Variants in RAB11FIP4 observed in about 807,000 individuals in gnomAD.
RAB11FIP4 encodes RAB11 family interacting protein 4.
In RAB11FIP4, 23 loss-of-function variants were observed where a neutral mutation model predicts 74.3. The observed-to-expected ratio is 0.31, with a 90% CI of 0.22 to 0.44. The LOEUF (loss-of-function observed/expected upper bound fraction) is 0.44. Ranked by LOEUF, RAB11FIP4 falls within the 20% of genes least tolerant of loss-of-function variation. The pLI is 1.00. For synonymous variants in RAB11FIP4, 360 were observed against 359.9 expected, an observed-to-expected ratio of 1.00 and a Z score of 0.00; for missense variants, 630 against 863.9, an observed-to-expected ratio of 0.73 and a Z score of 3.39.
chr17:31,526,409 T>A (rs2072767856), intron 10 of RAB11FIP4: 1 of 152,156 alleles, frequency 6.6e-6, no homozygotes, highest in Non-Finnish European at 1.5e-5. Flanking sequence ...AGTCCTGCCG[T>A]ATGCTTGGTT....
intron 4 of RAB11FIP4, among the ~76,000 whole-genome samples, chr17:31,520,625 A>G (rs1392053165): frequency 6.6e-6 from 1 of 152,060 alleles, no homozygotes; most frequent in African/African-American, 2.4e-5. Flanking sequence ...CTCCTCCCTC[A>G]GCCTCCTGAG....
intron 3 of RAB11FIP4, among the ~76,000 whole-genome samples, chr17:31,515,335 A>G (rs968874547): frequency 6.6e-6 from 1 of 151,836 alleles, no homozygotes; most frequent in African/African-American, 2.4e-5. Context: ...GGGGATTCTC[A>G]TTACACAACC....
At chr17:31,449,562 A>G (rs990189923) in intron 3 of RAB11FIP4, among the ~76,000 whole-genome samples, 2 of 152,040 alleles carry the variant, frequency 1.3e-5, no homozygotes, top group African/African-American at 4.8e-5. Flanking sequence ...TCTTTTTGAG[A>G]CAGGGGTCTC....
intron 3 of RAB11FIP4, among the ~76,000 whole-genome samples, chr17:31,477,668 G>A (rs1444597999): frequency 3.9e-5 from 6 of 152,246 alleles, no homozygotes; most frequent in South Asian, 2.1e-4. Context: ...AATGAATGAC[G>A]GGGTGAATGA....
chr17:31,517,206 T>TGGGGGGGGGGGGGGGGG (rs199757879), intron 3 of RAB11FIP4, among the ~76,000 whole-genome samples: 1 of 20,250 alleles, frequency 4.9e-5, no homozygotes, highest in Non-Finnish European at 1.2e-4. Context: ...GGGGGGGCGG[T>TGGGGGGGGGGGGGGGGG]GGGGGGGGCG....
At chr17:31,523,770 A>C (rs2142821519) in intron 8 of RAB11FIP4, 123 bp from the exon 9 acceptor site, 2 of 994,200 alleles carry the variant, frequency 2.0e-6, no homozygotes, top group African/African-American at 1.6e-5. Flanking sequence ...CCCCCACCCC[A>C]CACATGACCG....
In RAB11FIP4 at chr17:31,404,044, C is replaced by T. The variant is rs1747263687; in HGVS notation, c.159+12033C>T. On this transcript the variant is annotated intron_variant, in intron 1 of 14. Transcript: ENST00000621161. ...AACTGTGCCCAGAATTATGCATCTG[C>T]GCCACTTCCTGTTCAAATGGTGATT... Among the ~76,000 whole-genome samples the T allele has an allele frequency of 3.3e-5, 5 of 152,178 alleles. 1 individual carries two copies. In the South Asian group the frequency reaches 1.0e-3, roughly 32 times the overall value.
At chr17:31,437,654 C>G (rs77414279) in intron 3 of RAB11FIP4, among the ~76,000 whole-genome samples, 1 of 152,160 alleles carries the variant, frequency 6.6e-6, no homozygotes, top group African/African-American at 2.4e-5. Flanking sequence ...AGCCCCCTCC[C>G]CTCAGGGTGT....
At chr17:31,406,079 G>A (rs554582198) in intron 1 of RAB11FIP4, among the ~76,000 whole-genome samples, 4 of 152,338 alleles carry the variant, frequency 2.6e-5, no homozygotes, top group African/African-American at 9.6e-5. Context: ...CAACCCCTGG[G>A]CTCAGCTCCT....
chr17:31,476,598 G>A (rs748131819), intron 3 of RAB11FIP4, among the ~76,000 whole-genome samples: 17 of 152,222 alleles, frequency 1.1e-4, no homozygotes, highest in Non-Finnish European at 1.9e-4. Flanking sequence ...TGGGGCACTA[G>A]GGGGCTTCAC....
At chr17:31,502,481 A>G (rs1388876693) in intron 3 of RAB11FIP4, among the ~76,000 whole-genome samples, 1 of 152,166 alleles carries the variant, frequency 6.6e-6, no homozygotes, top group Non-Finnish European at 1.5e-5. Flanking sequence ...TGGGAGGCTG[A>G]GGCAGGAGAA....
chr17:31,497,260 A>G (rs752092181), intron 3 of RAB11FIP4, among the ~76,000 whole-genome samples: 13 of 152,120 alleles, frequency 8.5e-5, no homozygotes, highest in Non-Finnish European at 1.6e-4. Context: ...GCTACCTAGG[A>G]GGCTGAGGCA....
intron 3 of RAB11FIP4, among the ~76,000 whole-genome samples, chr17:31,456,964 TA>T (rs2071584574): frequency 6.6e-6 from 1 of 152,154 alleles, no homozygotes; most frequent in African/African-American, 2.4e-5. Flanking sequence ...TGTTCTTTTC[TA>T]GGCAAGAGTA....
At chr17:31,528,374 T>C in intron 11 of RAB11FIP4, 32 bp from the exon 12 acceptor site, 1 of 1,600,782 alleles carries the variant, frequency 6.2e-7, no homozygotes, top group Non-Finnish European at 8.5e-7. Flanking sequence ...CTCTGGGAAC[T>C]CTCCTCCCCT....
At chr17:31,502,585 TA>T (rs985388659) in intron 3 of RAB11FIP4, among the ~76,000 whole-genome samples, 1 of 151,894 alleles carries the variant, frequency 6.6e-6, no homozygotes, top group Non-Finnish European at 1.5e-5. Context: ...TCTCAAAAAA[TA>T]AAAAAATAAA....
intron 3 of RAB11FIP4, among the ~76,000 whole-genome samples, chr17:31,504,383 G>A (rs368582941): frequency 3.7e-4 from 55 of 150,182 alleles, no homozygotes; most frequent in East Asian, 2.0e-3. Flanking sequence ...CGCTTGCCTC[G>A]GCCTCTCAAA....
intron 1 of RAB11FIP4, among the ~76,000 whole-genome samples, chr17:31,428,819 G>A (rs1437544911): frequency 6.6e-6 from 1 of 152,098 alleles, no homozygotes; most frequent in Non-Finnish European, 1.5e-5. Context: ...TGGCGTGCCT[G>A]TAGTCCCAGC....
intron 3 of RAB11FIP4, among the ~76,000 whole-genome samples, chr17:31,498,539 C>G (rs1162503860): frequency 1.3e-5 from 2 of 152,228 alleles, no homozygotes; most frequent in Admixed American, 6.5e-5. Flanking sequence ...CCTGACCTGC[C>G]TGCTCCAGAA....
In RAB11FIP4 at chr17:31,532,392, C is replaced by T. The variant is rs2072886671; in HGVS notation, c.*660C>T. ...CATAGCAGCTAGTGCGGGGCATCCT[C>T]ATCCTGTACCTATAGAGTTCGTGCA... On this transcript the variant is annotated 3_prime_UTR_variant, in exon 15 of 15. Transcript: ENST00000621161. 1 of 152,910 alleles carries T rather than the reference C, an allele frequency of 6.5e-6. No homozygotes were observed. 9.5% of individuals were successfully genotyped at this position (152,910 alleles called of 1,614,324 possible).
Sources: gnomAD v4.1 joint callset for allele counts (sites outside exome capture counted in the v4.1 genomes callset) on GRCh38, gnomAD v4.1.1 for gene constraint, MANE v1.5 for transcripts, NCBI Gene and HGNC (gene_info 2026-07-23, HGNC 2026-07-21) for gene names.